Variants in PIEZO2 observed in about 807,000 individuals in gnomAD.
PIEZO2 encodes piezo type mechanosensitive ion channel component 2.
PIEZO2 carries 172 observed loss-of-function variants against 337.3 expected under a neutral mutation model. That is an observed-to-expected ratio of 0.51 (90% CI 0.45 to 0.58). The LOEUF is 0.58. PIEZO2 is among the 20% of genes least tolerant of loss of function. The pLI, the probability that PIEZO2 is intolerant of heterozygous loss-of-function variation, is 0.00. For synonymous variants in PIEZO2, 1,251 were observed against 1,228.5 expected (o/e 1.02, Z -0.38); for missense variants, 3,028 against 3,391.3 (o/e 0.89, Z 2.66).
intron 2 of PIEZO2, among the ~76,000 whole-genome samples, chr18:11,008,453 C>A (rs1025234916): frequency 6.6e-6 from 1 of 152,194 alleles, no homozygotes; most frequent in Admixed American, 6.5e-5. Context: ...TGGCCAACTG[C>A]ACATGTCGTG....
At chr18:10,704,070 G>C (rs987054423) in intron 42 of PIEZO2, among the ~76,000 whole-genome samples, 1 of 152,118 alleles carries the variant, frequency 6.6e-6, no homozygotes, top group Non-Finnish European at 1.5e-5. Flanking sequence ...CTTCAAACGT[G>C]TACCCACCCC....
chr18:10,682,803 G>A lies in PIEZO2; in HGVS notation c.7498-511C>T, dbSNP rs1476374365. Among the ~76,000 whole-genome samples, 1 of 104,992 alleles carries A rather than the reference G, an allele frequency of 9.5e-6. No individual in the cohort carries two copies. The highest frequency in any genetic ancestry group is 3.0e-5 in the African/African-American group (1 of 33,452). The allele number at this position is 104,992 out of a possible 152,430, so 68.9% of individuals were successfully genotyped here. A position where few individuals can be genotyped will look rare whatever the true frequency, so the allele number is the denominator to read the frequency against. On this transcript the variant is annotated intron_variant, in intron 49 of 55. Coordinates refer to ENST00000674853, the MANE Select transcript of PIEZO2 (RefSeq NM_001378183.1). This position sits in a 1 kb window ranked among gnomAD's most constrained non-coding sequence, Gnocchi z 5.6. ...AAGACAATGTTGTTCGACACCTAAGGTAAGATTTGTATGATTAGAAGAGCC... is the reference window on the plus strand; with the variant it reads ...AAGACAATGTTGTTCGACACCTAAGATAAGATTTGTATGATTAGAAGAGCC...
At chr18:10,782,334 TAA>T (rs370238406) in intron 17 of PIEZO2, among the ~76,000 whole-genome samples, 8,427 of 74,306 alleles carry the variant, frequency 0.11, 1,160 homozygotes, top group African/African-American at 0.15. Flanking sequence ...TAATTATATA[TAA>T]ATAATTATAA....
In PIEZO2 at chr18:10,672,633, C is replaced by A. The variant is rs1405341438; in HGVS notation, c.8345+57G>T. ...AAGATAAAAGGCTTCCCACTCTCAACTTTACATGATACAGAAGTAGACTCT... is the reference window on the plus strand; with the variant it reads ...AAGATAAAAGGCTTCCCACTCTCAAATTTACATGATACAGAAGTAGACTCT... On this transcript the variant is annotated intron_variant, in intron 55 of 55. Transcript: ENST00000674853. The surrounding 1 kb of genome is among the most constrained non-coding windows in gnomAD (Gnocchi z 4.7). 1.3e-6 allele frequency: 2 copies of A among 1,555,506 alleles called. No individual in the cohort carries two copies. The highest frequency in any genetic ancestry group is 1.7e-6 in the Non-Finnish European group (2 of 1,152,348).
intron 5 of PIEZO2, among the ~76,000 whole-genome samples, chr18:10,866,231 A>C (rs1476464797): frequency 1.3e-5 from 2 of 151,972 alleles, no homozygotes; most frequent in Non-Finnish European, 2.9e-5. Context: ...TGTATACTCA[A>C]GTCCATGCTA....
rs150208856 is a variant in PIEZO2, at chr18:10,995,026, C to T, written c.161-15366G>A. ...GGCGGAGGTTGCAGATCTCAAAAGCCGAGATCGTGCCACTGCACTCCAGCC... is the reference window on the plus strand; with the variant it reads ...GGCGGAGGTTGCAGATCTCAAAAGCTGAGATCGTGCCACTGCACTCCAGCC... On this transcript the variant is annotated intron_variant, in intron 2 of 55. Coordinates refer to ENST00000674853, the MANE Select transcript of PIEZO2 (RefSeq NM_001378183.1). 2.8e-3 allele frequency among the ~76,000 whole-genome samples: 393 copies of T among 138,286 alleles called. 3 individuals carry two copies. Among genetic ancestry groups the T allele is most frequent in the African/African-American group, 9.9e-3 (358 of 35,998 alleles). The allele number at this position is 138,286 out of a possible 152,430, so 90.7% of individuals were successfully genotyped here.
rs1311581192 is a variant in PIEZO2, at chr18:10,760,928, A to G, written c.3433T>C (p.Tyr1145His). ...AAACTCACCTCCAGACCAAACTTGT[A>G]AAAGAAGTAATTAATGAAATATTTG... Reference protein sequence around the residue: ...CAKYFINYFFYKFGLETCFLM... With the variant: ...CAKYFINYFFHKFGLETCFLM... Residue 1145 changes from tyrosine to histidine, a missense_variant, in exon 24 of 56, where the codon TAC becomes CAC. Tyr to His is a moderately conservative substitution (Grantham distance 83). This residue lies in a region of PIEZO2 where 1,925 missense variants were observed against 2,051.9 expected (regional missense o/e 0.94). Coordinates refer to ENST00000674853, the MANE Select transcript of PIEZO2 (RefSeq NM_001378183.1). The G allele has an allele frequency of 6.5e-7, 1 of 1,531,372 alleles. No individual in the cohort carries two copies. The allele number at this position is 1,531,372 out of a possible 1,614,324, so 94.9% of individuals were successfully genotyped here.
intron 4 of PIEZO2, chr18:10,908,747 T>C (rs1370338242): frequency 6.6e-6 from 1 of 152,174 alleles, no homozygotes; most frequent in Non-Finnish European, 1.5e-5. Flanking sequence ...ACCCATACTA[T>C]AAGTACTGAA....
chr18:10,840,289 T>C (rs972835840), intron 7 of PIEZO2, among the ~76,000 whole-genome samples: 1 of 152,176 alleles, frequency 6.6e-6, no homozygotes, highest in Non-Finnish European at 1.5e-5. Flanking sequence ...AGAGATAAAA[T>C]TAATACATAA....
At chr18:10,736,457 T>C in intron 34 of PIEZO2, 147 bp downstream of exon 34, 1 of 1,187,004 alleles carries the variant, frequency 8.4e-7, no homozygotes, top group African/African-American at 1.6e-5. Context: ...ACAATTTAAT[T>C]AGAAATAAAG....
In PIEZO2 at chr18:10,780,352, T is replaced by C. The variant is rs941657033; in HGVS notation, c.2507A>G (p.Asn836Ser). 2.8e-6 allele frequency: 2 copies of C among 702,798 alleles called. No individual in the cohort carries two copies. Among genetic ancestry groups the C allele is most frequent in the African/African-American group, 3.5e-5 (2 of 57,220 alleles). The allele number at this position is 702,798 out of a possible 1,614,324, so 43.5% of individuals were successfully genotyped here. ...DNTIYSHAKV[N>S]GRVYLIINSI... is the part of the protein sequence containing the mutation. The stretch of plus-strand genomic sequence containing the variant: ...ATTTATTATTAGATATACGCGACCA[T>C]TGACTTTGGCATGGCTACGAGGTGG... The change falls in exon 18 of 56, where the codon AAT becomes AGT. Residue 836 changes from asparagine to serine, a missense_variant. By Grantham distance (46) the Asn-to-Ser change is conservative. This residue lies in a region of PIEZO2 where 1,925 missense variants were observed against 2,051.9 expected (regional missense o/e 0.94). Coordinates refer to ENST00000674853, the MANE Select transcript of PIEZO2 (RefSeq NM_001378183.1).
chr18:10,985,498 T>C (rs537726438), intron 2 of PIEZO2, among the ~76,000 whole-genome samples: 4 of 152,078 alleles, frequency 2.6e-5, no homozygotes, highest in Non-Finnish European at 5.9e-5. Flanking sequence ...TGACCATACA[T>C]GTATGGGTTA....
chr18:10,885,199 C>T lies in PIEZO2; in HGVS notation c.330-13784G>A, dbSNP rs966462615. 7.9e-5 allele frequency among the ~76,000 whole-genome samples: 12 copies of T among 152,022 alleles called. No individual in the cohort carries two copies. The South Asian group carries it at 1.5e-3, about 18-fold the overall frequency. On this transcript the variant is annotated intron_variant, in intron 4 of 55. Coordinates refer to ENST00000674853, the MANE Select transcript of PIEZO2 (RefSeq NM_001378183.1). ...CAGCACTTTGGGAGGCCGAGGCGGG[C>T]GGATCATGAGCTCAGGAGATCGAGA...
chr18:10,885,036 G>C (rs186531237), intron 4 of PIEZO2, among the ~76,000 whole-genome samples: 202 of 152,140 alleles, frequency 1.3e-3, no homozygotes, highest in African/African-American at 4.7e-3. Flanking sequence ...GCTTTGTATA[G>C]GCCTGTGTAT....
intron 7 of PIEZO2, among the ~76,000 whole-genome samples, chr18:10,812,980 T>C (rs970304541): frequency 6.7e-5 from 9 of 134,746 alleles, no homozygotes; most frequent in Non-Finnish European, 1.1e-4. Context: ...CTGATTATTT[T>C]AAACTTTTTT....
At chr18:10,898,503 C>T (rs1598650058) in intron 4 of PIEZO2, among the ~76,000 whole-genome samples, 4 of 151,994 alleles carry the variant, frequency 2.6e-5, no homozygotes, top group South Asian at 4.2e-4. Context: ...GTGTGCAGAA[C>T]GAAGTAGTGA....
intron 3 of PIEZO2, among the ~76,000 whole-genome samples, chr18:10,931,372 T>C (rs939532303): frequency 2.0e-5 from 3 of 152,106 alleles, no homozygotes; most frequent in African/African-American, 7.2e-5. Flanking sequence ...GCTAATTTTT[T>C]GTATTTTTAG....
chr18:11,062,068 C>T lies in PIEZO2; in HGVS notation c.160+4059G>A, dbSNP rs1186647845. Among the ~76,000 whole-genome samples the T allele has an allele frequency of 6.6e-5, 10 of 152,096 alleles. No individual in the cohort carries two copies. The East Asian group carries it at 1.9e-3, about 29-fold the overall frequency. On this transcript the variant is annotated intron_variant, in intron 2 of 55. Transcript: ENST00000674853. ...ACTGGTACCAAAACAGAGATATAGA[C>T]CAATGGAACAGAACAGAGCCCTCAG...
rs2035677872 is a variant in PIEZO2, at chr18:10,708,449, C to T, written c.5424-10G>A. 6.6e-6 allele frequency: 1 copy of T among 152,662 alleles called. No homozygotes were observed. Among genetic ancestry groups the T allele is most frequent in the African/African-American group, 2.4e-5 (1 of 41,452 alleles). The allele number at this position is 152,662 out of a possible 1,614,324, so 9.5% of individuals were successfully genotyped here. ...TGCTTCAGTGTAGCAGCTAGCAGCGCAAACAGTTACAGAAACACAGTGTTA... is the reference window on the plus strand; with the variant it reads ...TGCTTCAGTGTAGCAGCTAGCAGCGTAAACAGTTACAGAAACACAGTGTTA... On this transcript the variant is annotated splice_polypyrimidine_tract_variant and intron_variant, in intron 39 of 55. Coordinates refer to ENST00000674853, the MANE Select transcript of PIEZO2 (RefSeq NM_001378183.1).
Sources: allele counts gnomAD v4.1 joint callset (sites outside exome capture counted in the v4.1 genomes callset), GRCh38; gene constraint gnomAD v4.1.1; regional missense constraint gnomAD v4.1.1; non-coding constraint Gnocchi (gnomAD v3.1); transcripts MANE v1.5; gene names NCBI Gene and HGNC (gene_info 2026-07-23, HGNC 2026-07-21).